Variants in TRIP13 observed in about 807,000 individuals in gnomAD.
TRIP13 encodes thyroid hormone receptor interactor 13.
In TRIP13, 25 loss-of-function variants were observed where a neutral mutation model predicts 54.4. The ratio of observed to expected loss-of-function variants is 0.46; its 90% CI spans 0.33 to 0.64. TRIP13 has a LOEUF of 0.64. TRIP13 is among the 30% of genes least tolerant of loss of function. The pLI is 0.02. For synonymous variants in TRIP13, 207 were observed against 207.8 expected, an observed-to-expected ratio of 1.00 and a Z score of 0.03; for missense variants, 373 against 534.2, an observed-to-expected ratio of 0.70 and a Z score of 2.97.
intron 4 of TRIP13, 45 bp downstream of exon 4, chr5:900,594 G>A (rs1486025343): frequency 1.4e-5 from 23 of 1,601,510 alleles, no homozygotes; most frequent in Non-Finnish European, 2.0e-5. Context: ...TATTTGAAGA[G>A]GAACCATTAC....
chr5:917,164 G>A lies in TRIP13; in HGVS notation c.*61G>A. The stretch of plus-strand genomic sequence containing the variant: ...GAACACACAACCAGTAAGTGAGGTT[G>A]CCCCACACAGCCGTCTCCCAGGGAA... On this transcript the variant is annotated 3_prime_UTR_variant, in exon 13 of 13. Transcript: ENST00000166345. 6.5e-7 allele frequency: 1 copy of A among 1,530,716 alleles called. No homozygotes were observed. The highest frequency in any genetic ancestry group is 9.0e-7 in the Non-Finnish European group (1 of 1,114,208). The allele number at this position is 1,530,716 out of a possible 1,614,324, so 94.8% of individuals were successfully genotyped here.
intron 6 of TRIP13, among the ~76,000 whole-genome samples, chr5:906,344 T>TTG (rs61308497): frequency 0.089 from 13,533 of 152,244 alleles, 934 homozygotes; most frequent in African/African-American, 0.19. Flanking sequence ...TAGCAAGACT[T>TTG]TTCCTCACTC....
At chr5:914,631 T>A in intron 11 of TRIP13, 54 bp downstream of exon 11, 1 of 1,430,618 alleles carries the variant, frequency 7.0e-7, no homozygotes, top group East Asian at 2.3e-5. Flanking sequence ...TGATATTAAC[T>A]AGGGAGTCAT....
At position 908,638 on chromosome 5, in the gene TRIP13, T is replaced by C. The variant is rs2150688552; in HGVS notation, c.866+177T>C. ...GAAGCAGCATATCACAAATGCTTTT[T>C]AAAGAAATTGTTTTTAGTGTGTTAA... On this transcript the variant is annotated intron_variant, in intron 9 of 12. Coordinates refer to ENST00000166345, the MANE Select transcript of TRIP13 (RefSeq NM_004237.4). The surrounding 1 kb of genome is among the most constrained non-coding windows in gnomAD (Gnocchi z 5.2). The C allele has an allele frequency of 2.1e-6, 3 of 1,434,962 alleles. No individual in the cohort carries two copies. The highest frequency in any genetic ancestry group is 2.7e-6 in the Non-Finnish European group (3 of 1,094,478). The allele number at this position is 1,434,962 out of a possible 1,614,324, so 88.9% of individuals were successfully genotyped here. A position where few individuals can be genotyped will look rare whatever the true frequency, so the allele number is the denominator to read the frequency against.
Position 893,075 on chromosome 5 carries a change from A to T in TRIP13, c.77A>T (p.His26Leu), listed in dbSNP as rs780778324. 6 of 1,596,584 alleles carry T rather than the reference A, an allele frequency of 3.8e-6. No individual in the cohort carries two copies. Among genetic ancestry groups the T allele is most frequent in the East Asian group, 4.5e-5 (2 of 44,322 alleles). Residue 26 changes from histidine to leucine, a missense_variant, in exon 1 of 13, where the codon CAT becomes CTT. Coordinates refer to ENST00000166345, the MANE Select transcript of TRIP13 (RefSeq NM_004237.4). Reference protein sequence around the residue: ...AESPTVHVEVHQRGSSTAKKE... With the variant: ...AESPTVHVEVLQRGSSTAKKE... ...TCGCCAACGGTCCACGTGGAGGTGC[A>T]TCAGCGCGGCAGCAGGTGAGCCGGA...
chr5:908,276 C>A lies in TRIP13; in HGVS notation c.760-79C>A. On this transcript the variant is annotated intron_variant, in intron 8 of 12. Transcript: ENST00000166345. The surrounding 1 kb of genome is among the most constrained non-coding windows in gnomAD (Gnocchi z 5.2). Reference sequence around the variant, plus strand: ...CCCATTCATTCATCTTTTTCACGTGCTCAGCGGGACGTATCCCCATAGCTG... The same window carrying A: ...CCCATTCATTCATCTTTTTCACGTGATCAGCGGGACGTATCCCCATAGCTG... 1 of 1,524,094 alleles carries A rather than the reference C, an allele frequency of 6.6e-7. No individual in the cohort carries two copies. The highest frequency in any genetic ancestry group is 1.7e-5 in the Admixed American group (1 of 58,982). 94.4% of individuals were successfully genotyped at this position (1,524,094 alleles called of 1,614,324 possible).
At position 911,937 on chromosome 5, in the gene TRIP13, C is replaced by T. The variant is rs371777521; in HGVS notation, c.961C>T (p.Pro321Ser). 1 of 1,613,640 alleles carries T rather than the reference C, an allele frequency of 6.2e-7. No homozygotes were observed. Among genetic ancestry groups the T allele is most frequent in the South Asian group, 1.1e-5 (1 of 91,018 alleles). ...DRADIKQYIG[P>S]PSAAAIFKIY... ...GGCTGACATCAAGCAGTACATTGGGCCACCCTCTGCAGCAGCCATCTTCAA... is the reference window on the plus strand; with the variant it reads ...GGCTGACATCAAGCAGTACATTGGGTCACCCTCTGCAGCAGCCATCTTCAA... Residue 321 changes from proline to serine, a missense_variant, in exon 10 of 13, where the codon CCA (proline) becomes TCA (serine). By Grantham distance (74) the Pro-to-Ser change is moderately conservative. Coordinates refer to ENST00000166345, the MANE Select transcript of TRIP13 (RefSeq NM_004237.4). The surrounding 1 kb of genome is among the most constrained non-coding windows in gnomAD (Gnocchi z 4.7).
chr5:915,792 T>C lies in TRIP13; in HGVS notation c.1134-112T>C, dbSNP rs56315432. 0.056 allele frequency: 61,555 copies of C among 1,102,014 alleles called. 2,347 individuals are homozygous for C. The highest frequency in any genetic ancestry group is 0.17 in the African/African-American group (11,129 of 65,462). The allele number at this position is 1,102,014 out of a possible 1,614,324, so 68.3% of individuals were successfully genotyped here. On this transcript the variant is annotated intron_variant, in intron 11 of 12. Coordinates refer to ENST00000166345, the MANE Select transcript of TRIP13 (RefSeq NM_004237.4). This position sits in a 1 kb window ranked among gnomAD's most constrained non-coding sequence, Gnocchi z 4.2. ...AGTGCCCTGTGAACCCAGGGTGTGC[T>C]TGGGACGCCTCGGCTTGTGTTCCCA...
In TRIP13 at chr5:894,926, A is replaced by G. The variant is rs1211397398; in HGVS notation, c.232A>G (p.Thr78Ala). Residue 78 changes from threonine (T) to alanine (A), a missense_variant, in exon 2 of 13, where the codon ACA (threonine) becomes GCA (alanine). By Grantham distance (58) the Thr-to-Ala change is moderately conservative. Coordinates refer to ENST00000166345, the MANE Select transcript of TRIP13 (RefSeq NM_004237.4). ...RNVQSVSIID[T>A]ELKVKDSQPI... ...TGTGCAGTCTGTGTCTATTATTGACACAGAATTAAAGGTTAAAGACTCACA... is the reference window on the plus strand; with the variant it reads ...TGTGCAGTCTGTGTCTATTATTGACGCAGAATTAAAGGTTAAAGACTCACA... 1.2e-6 allele frequency: 2 copies of G among 1,612,156 alleles called. No homozygotes were observed. Among genetic ancestry groups the G allele is most frequent in the African/African-American group, 2.7e-5 (2 of 74,878 alleles).
chr5:916,526 C>G (rs1404465177), intron 12 of TRIP13, among the ~76,000 whole-genome samples: 1 of 152,248 alleles, frequency 6.6e-6, no homozygotes, highest in African/African-American at 2.4e-5. Context: ...TCTGTCTGAT[C>G]AGTAGCAGCC....
Position 896,810 on chromosome 5 carries a change from G to A in TRIP13, c.388+16G>A. Reference sequence around the variant, plus strand: ...CTACCTGCAGGTATGGGGTGTGATGGGAGTTGAAGGGGAGGCTGAGGTCAG... The same window carrying A: ...CTACCTGCAGGTATGGGGTGTGATGAGAGTTGAAGGGGAGGCTGAGGTCAG... On this transcript the variant is annotated intron_variant, in intron 3 of 12. Transcript: ENST00000166345. The A allele has an allele frequency of 1.2e-6, 2 of 1,611,210 alleles. No homozygotes were observed. Among genetic ancestry groups the A allele is most frequent in the East Asian group, 2.2e-5 (1 of 44,836 alleles).
chr5:896,828 G>A (rs1560944216), intron 3 of TRIP13, 34 bp downstream of exon 3: 6 of 1,605,020 alleles, frequency 3.7e-6, no homozygotes, highest in Non-Finnish European at 5.1e-6. Flanking sequence ...AGGGGAGGCT[G>A]AGGTCAGAGG....
At position 913,375 on chromosome 5, in the gene TRIP13, G is replaced by A. The variant is rs1754280856; in HGVS notation, c.1021-1090G>A. 6.6e-6 allele frequency among the ~76,000 whole-genome samples: 1 copy of A among 152,094 alleles called. No individual in the cohort carries two copies. On this transcript the variant is annotated intron_variant, in intron 10 of 12. Transcript: ENST00000166345. The surrounding 1 kb of genome is among the most constrained non-coding windows in gnomAD (Gnocchi z 4.5). Reference sequence around the variant, plus strand: ...AGTTTTTTGTTTGTTTGTTTATTTTGAGACACAGTCTCACTCTTACCTAGA... The same window carrying A: ...AGTTTTTTGTTTGTTTGTTTATTTTAAGACACAGTCTCACTCTTACCTAGA...
At chr5:904,322 C>A (rs936942401) in intron 6 of TRIP13, 102 bp downstream of exon 6, 2 of 919,082 alleles carry the variant, frequency 2.2e-6, no homozygotes, top group Non-Finnish European at 3.3e-6. Context: ...ATAATAGATT[C>A]CTCTCCACTG....
At chr5:914,102 G>A (rs1283640534) in intron 10 of TRIP13, among the ~76,000 whole-genome samples, 1 of 152,150 alleles carries the variant, frequency 6.6e-6, no homozygotes, top group African/African-American at 2.4e-5. Flanking sequence ...CCCACTGTGG[G>A]TTTTGACGTC....
chr5:900,163 GACA>G (rs1365963473), intron 3 of TRIP13, among the ~76,000 whole-genome samples: 4 of 152,218 alleles, frequency 2.6e-5, no homozygotes, highest in South Asian at 2.1e-4. Context: ...GAAAATAAAT[GACA>G]ACAATACCTT....
chr5:910,596 T>C (rs1754210371), intron 9 of TRIP13, among the ~76,000 whole-genome samples: 1 of 152,204 alleles, frequency 6.6e-6, no homozygotes, highest in African/African-American at 2.4e-5. Context: ...CTTCTCCCTG[T>C]CAGTCACAAG....
At chr5:905,410 G>A (rs1043487120) in intron 6 of TRIP13, among the ~76,000 whole-genome samples, 1 of 152,136 alleles carries the variant, frequency 6.6e-6, no homozygotes, top group Non-Finnish European at 1.5e-5. Context: ...AGGATCCTGG[G>A]CACTCCTTCT....
Position 908,859 on chromosome 5 carries a change from G to A in TRIP13, c.866+398G>A, listed in dbSNP as rs913344339. ...TGTAGTCCCAGCTACTCTGGAGGCT[G>A]AGGCAGGAGAATGGTGTGAACCCGG... On this transcript the variant is annotated intron_variant, in intron 9 of 12. Coordinates refer to ENST00000166345, the MANE Select transcript of TRIP13 (RefSeq NM_004237.4). This position sits in a 1 kb window ranked among gnomAD's most constrained non-coding sequence, Gnocchi z 5.2. The A allele has an allele frequency of 4.7e-6, 1 of 214,436 alleles. No homozygotes were observed. Among genetic ancestry groups the A allele is most frequent in the African/African-American group, 2.3e-5 (1 of 43,408 alleles). 13.3% of individuals were successfully genotyped at this position (214,436 alleles called of 1,614,324 possible). A position where few individuals can be genotyped will look rare whatever the true frequency, so the allele number is the denominator to read the frequency against.
Sources: allele counts gnomAD v4.1 joint callset (sites outside exome capture counted in the v4.1 genomes callset), GRCh38; gene constraint gnomAD v4.1.1; non-coding constraint Gnocchi (gnomAD v3.1); transcripts MANE v1.5; gene names NCBI Gene and HGNC (gene_info 2026-07-23, HGNC 2026-07-21).